MYO15A: variants seen among roughly 807,000 people sequenced by gnomAD.
The protein encoded by MYO15A is unconventional myosin-XV.
Under a neutral mutation model 394.6 loss-of-function variants are expected in MYO15A, and 308 were observed. The observed-to-expected ratio is 0.78, with a 90% CI of 0.71 to 0.86. The LOEUF (loss-of-function observed/expected upper bound fraction) is 0.86. Among genes scored for constraint, MYO15A ranks in the 40% least tolerant of loss-of-function variants. MYO15A has a pLI of 0.00. For synonymous variants in MYO15A, 1,957 were observed against 2,003.8 expected, an observed-to-expected ratio of 0.98 and a Z score of 0.62; for missense variants, 4,606 against 4,799.1, an observed-to-expected ratio of 0.96 and a Z score of 1.19.
chr17:18,126,692 G>C (rs1379318621), intron 5 of MYO15A, 99 bp from the exon 6 acceptor site: 2 of 1,399,088 alleles, frequency 1.4e-6, no homozygotes, highest in African/African-American at 2.8e-5. Flanking sequence ...GGGGTGGGCA[G>C]GATTGGCTGT....
In MYO15A at chr17:18,118,763, AC is replaced by A. The variant is rs1567617404; in HGVS notation, c.-37del. The A allele has an allele frequency of 6.2e-7, 1 of 1,607,702 alleles. No individual in the cohort carries two copies. Among genetic ancestry groups the A allele is most frequent in the Non-Finnish European group, 8.5e-7 (1 of 1,177,794 alleles). On this transcript the variant is annotated 5_prime_UTR_variant, in exon 2 of 66. An upstream open reading frame in the 5' UTR gains an earlier in-frame stop. Transcript: ENST00000647165. Reference sequence around the variant, plus strand: ...GTGTCTCCAAGTCCCTGAGCCCGTGACACCGGCCCCAGGCCCTGTAGAGAGC... The same window carrying A: ...GTGTCTCCAAGTCCCTGAGCCCGTGAACCGGCCCCAGGCCCTGTAGAGAGC...
chr17:18,154,306 G>A, intron 44 of MYO15A, 116 bp downstream of exon 44: 1 of 1,210,966 alleles, frequency 8.3e-7, no homozygotes, highest in South Asian at 1.2e-5. Flanking sequence ...CCTTGACAGG[G>A]GTGAGGATGG....
intron 22 of MYO15A, among the ~76,000 whole-genome samples, 194 bp from the exon 23 acceptor site, chr17:18,141,459 T>TAAATA (rs1480586313): frequency 6.6e-6 from 1 of 152,248 alleles, no homozygotes; most frequent in Non-Finnish European, 1.5e-5. Context: ...TCATCTATTA[T>TAAATA]AACAATTGTC....
At chr17:18,156,835 C>A in intron 48 of MYO15A, 119 bp from the exon 49 acceptor site, 1 of 910,678 alleles carries the variant, frequency 1.1e-6, no homozygotes, top group Non-Finnish European at 1.8e-6. Flanking sequence ...CCTCTTCTCA[C>A]CTAATGAAGG....
intron 61 of MYO15A, 104 bp downstream of exon 61, chr17:18,166,625 C>A: frequency 1.4e-6 from 2 of 1,472,062 alleles, no homozygotes; most frequent in Non-Finnish European, 1.9e-6. Flanking sequence ...ATGATTCAGG[C>A]CCTGTGGATG....
chr17:18,157,283 A>G, intron 50 of MYO15A, 53 bp downstream of exon 50: 1 of 1,555,000 alleles, frequency 6.4e-7, no homozygotes, highest in Non-Finnish European at 8.7e-7. Context: ...AGTTTCACCC[A>G]CTCGTGGTGC....
intron 7 of MYO15A, among the ~76,000 whole-genome samples, chr17:18,130,245 T>C (rs964279118): frequency 1.3e-5 from 2 of 152,170 alleles, no homozygotes; most frequent in African/African-American, 4.8e-5. Flanking sequence ...CAGGTCTGTG[T>C]AGACGCTGGG....
chr17:18,139,805 C>A (rs1214756164), intron 19 of MYO15A, among the ~76,000 whole-genome samples, 194 bp downstream of exon 19: 2 of 152,230 alleles, frequency 1.3e-5, no homozygotes, highest in Non-Finnish European at 2.9e-5. Context: ...CTAAACCTAG[C>A]GCCTCATCCT....
chr17:18,118,892 A>G lies in MYO15A; in HGVS notation c.92A>G (p.Lys31Arg). The change falls in exon 2 of 66, where the codon AAG (lysine) becomes AGG (arginine). Residue 31 changes from lysine (K) to arginine (R), a missense_variant. Coordinates refer to ENST00000647165, the MANE Select transcript of MYO15A (RefSeq NM_016239.4). ...CCGGAGAAGCCCAAACGGAGCCTGA[A>G]GGGGACGTCGCGGCTGTTCATGGGC... ...PEPEKPKRSL[K>R]GTSRLFMGFR... 6.2e-7 allele frequency: 1 copy of G among 1,613,916 alleles called. No homozygotes were observed. Among genetic ancestry groups the G allele is most frequent in the Non-Finnish European group, 8.5e-7 (1 of 1,179,980 alleles).
rs778321103 is a variant in MYO15A, at chr17:18,151,094, G to A, written c.7474-16G>A. On this transcript the variant is annotated splice_polypyrimidine_tract_variant and intron_variant, in intron 38 of 65. Transcript: ENST00000647165. ...TATATCCCAGGCAGCCCACCCTCAC[G>A]TCCTGTTCTCCACAGAAACCCCCAG... 1.5e-5 allele frequency: 24 copies of A among 1,613,430 alleles called. No homozygotes were observed. The highest frequency in any genetic ancestry group is 1.9e-5 in the Non-Finnish European group (22 of 1,179,880).
rs375619434 is a variant in MYO15A at position 18,119,527 on chromosome 17, G to A, written c.727G>A (p.Asp243Asn). ...GTATTATGACTATCACCGCGACGGC[G>A]ACGACTACTACGACCGGCAGTCACT... The part of the protein sequence containing the change: ...GEYYDYHRDG[D>N]DYYDRQSLHR... The change falls in exon 2 of 66, where the codon GAC (aspartate) becomes AAC (asparagine). Residue 243 changes from aspartate (D) to asparagine (N), a missense_variant. Transcript: ENST00000647165. 1.2e-6 allele frequency: 2 copies of A among 1,610,258 alleles called. No individual in the cohort carries two copies. Among genetic ancestry groups the A allele is most frequent in the Non-Finnish European group, 8.5e-7 (1 of 1,179,954 alleles).
chr17:18,172,293 G>A lies in MYO15A; in HGVS notation c.10350+3G>A, dbSNP rs369076852. The A allele has an allele frequency of 1.2e-6, 2 of 1,614,050 alleles. No homozygotes were observed. Among genetic ancestry groups the A allele is most frequent in the Non-Finnish European group, 1.7e-6 (2 of 1,180,040 alleles). Reference sequence around the variant, plus strand: ...ACTTTCTCAGCACAGAGACTCATGTGAGTGGCCTCAGCCTGGCACTGCCAT... The same window carrying A: ...ACTTTCTCAGCACAGAGACTCATGTAAGTGGCCTCAGCCTGGCACTGCCAT... On this transcript the variant is annotated splice_donor_region_variant and intron_variant, in intron 64 of 65. Transcript: ENST00000647165.
At position 18,152,159 on chromosome 17, in the gene MYO15A, A is replaced by G. The variant is rs975292878; in HGVS notation, c.7941A>G (p.Pro2647=). The G allele has an allele frequency of 6.4e-7, 1 of 1,551,486 alleles. No individual in the cohort carries two copies. Residue 2647 remains proline (P), a synonymous_variant, in exon 42 of 66, where the codon CCA becomes CCG. Coordinates refer to ENST00000647165, the MANE Select transcript of MYO15A (RefSeq NM_016239.4). Reference sequence around the variant, plus strand: ...TGGTGAAGCCGGTGACCAGTGCACCAAGGCCATCCATGGCACCCACTTCAG... The same window carrying G: ...TGGTGAAGCCGGTGACCAGTGCACCGAGGCCATCCATGGCACCCACTTCAG... The part of the protein sequence containing the change: ...VALVKPVTSA[P]RPSMAPTSAL...
rs2045922400 is a variant in MYO15A, at chr17:18,121,239, G to C, written c.2439G>C (p.Pro813=). 2 of 1,476,998 alleles carry C rather than the reference G, an allele frequency of 1.4e-6. No individual in the cohort carries two copies. Among genetic ancestry groups the C allele is most frequent in the Non-Finnish European group, 1.8e-6 (2 of 1,118,634 alleles). 91.5% of individuals were successfully genotyped at this position (1,476,998 alleles called of 1,614,324 possible). Residue 813 remains proline, a synonymous_variant, in exon 2 of 66, where the codon CCG becomes CCC. Transcript: ENST00000647165. This position sits in a 1 kb window ranked among gnomAD's most constrained non-coding sequence, Gnocchi z 5.3. The part of the protein sequence containing the change: ...TGPFQPPFLP[P]ARRPRSLQES... ...CCTTCCAGCCGCCCTTCCTGCCCCCGGCCCGCCGGCCCCGCTCGCTGCAGG... is the reference window on the plus strand; with the variant it reads ...CCTTCCAGCCGCCCTTCCTGCCCCCCGCCCGCCGGCCCCGCTCGCTGCAGG...
At chr17:18,164,100 T>C in intron 60 of MYO15A, 1 of 526,214 alleles carries the variant, frequency 1.9e-6, no homozygotes, top group Non-Finnish European at 3.5e-6. Flanking sequence ...ACATGCTCAA[T>C]GTGAGGACAC....
Position 18,153,901 on chromosome 17 carries a change from C to A in MYO15A, c.8088+5C>A. On this transcript the variant is annotated splice_donor_5th_base_variant and intron_variant, in intron 43 of 65. Coordinates refer to ENST00000647165, the MANE Select transcript of MYO15A (RefSeq NM_016239.4). This position sits in a 1 kb window ranked among gnomAD's most constrained non-coding sequence, Gnocchi z 4.1. ...AAGATCTTCCTGCGCAAAGAGGTGC[C>A]GAGCACAGCCGTAGCCAGGGGAGGG... The A allele has an allele frequency of 6.2e-7, 1 of 1,613,142 alleles. No individual in the cohort carries two copies. Among genetic ancestry groups the A allele is most frequent in the Non-Finnish European group, 8.5e-7 (1 of 1,179,936 alleles).
intron 7 of MYO15A, 97 bp downstream of exon 7, chr17:18,127,262 G>A: frequency 7.1e-7 from 1 of 1,417,358 alleles, no homozygotes; most frequent in Admixed American, 1.9e-5. Flanking sequence ...GGCCCACCAG[G>A]AAGATGAGGA....
At chr17:18,162,975 G>C (rs545643719) in intron 58 of MYO15A, among the ~76,000 whole-genome samples, 1 of 152,334 alleles carries the variant, frequency 6.6e-6, no homozygotes, top group Admixed American at 6.5e-5. Context: ...ATTCCAGCCT[G>C]GGTGACAGAG....
At position 18,166,371 on chromosome 17, in the gene MYO15A, G is replaced by A. The variant is rs775356449; in HGVS notation, c.9798G>A (p.Val3266=). The part of the protein sequence containing the change: ...IFVVTNRGQH[V]CPLSRRAYIL... The stretch of plus-strand genomic sequence containing the variant: ...CCCTGCTCTCTGCAGGCCAGCATGT[G>A]TGCCCACTCAGTCGCCGTGCTTACA... Residue 3266 remains valine, a synonymous_variant, in exon 61 of 66, where the codon GTG becomes GTA. Coordinates refer to ENST00000647165, the MANE Select transcript of MYO15A (RefSeq NM_016239.4). 1.2e-6 allele frequency: 2 copies of A among 1,613,218 alleles called. No homozygotes were observed. The highest frequency in any genetic ancestry group is 2.2e-5 in the South Asian group (2 of 91,080).
Sources: allele counts gnomAD v4.1 joint callset (sites outside exome capture counted in the v4.1 genomes callset), GRCh38; gene constraint gnomAD v4.1.1; non-coding constraint Gnocchi (gnomAD v3.1); transcripts MANE v1.5; gene names NCBI Gene and HGNC (gene_info 2026-07-23, HGNC 2026-07-21).